The following CAMKMT variants were observed in gnomAD, a reference collection of about 807,000 sequenced individuals.
The protein encoded by CAMKMT is CaM KMT.
A neutral mutation model predicts 48.0 loss-of-function variants in CAMKMT; 53 were observed. The ratio of observed to expected loss-of-function variants is 1.10; its 90% confidence interval spans 0.89 to 1.39. The LOEUF (loss-of-function observed/expected upper bound fraction) is 1.39, where lower values mean the gene tolerates loss of function less well. CAMKMT is among the 40% of genes most tolerant of loss of function. CAMKMT has a pLI of 0.00. For synonymous variants in CAMKMT, 165 were observed against 152.3 expected, an observed-to-expected ratio of 1.08 and a Z score of -0.61; for missense variants, 428 against 402.7, an observed-to-expected ratio of 1.06 and a Z score of -0.54.
At position 44,556,720 on chromosome 2, in the gene CAMKMT, C is replaced by T. The variant is rs1287675491; in HGVS notation, c.377-147563C>T. On this transcript the variant is annotated intron_variant, in intron 3 of 10. Coordinates refer to ENST00000378494, the MANE Select transcript of CAMKMT (RefSeq NM_024766.5). ...TCCTGACCTCATGATCCACCCGCCT[C>T]GGCCTCCCAAAGTGCTGGGATTACA... Among the ~76,000 whole-genome samples the T allele has an allele frequency of 3.0e-5, 2 of 67,546 alleles. 1 individual carries two copies. Among genetic ancestry groups the T allele is most frequent in the African/African-American group, 1.1e-4 (2 of 17,542 alleles). 44.3% of individuals were successfully genotyped at this position (67,546 alleles called of 152,430 possible). A position where few individuals can be genotyped will look rare whatever the true frequency, so the allele number is the denominator to read the frequency against.
intron 8 of CAMKMT, among the ~76,000 whole-genome samples, chr2:44,748,150 G>A (rs1679994684): frequency 6.6e-6 from 1 of 152,126 alleles, no homozygotes; most frequent in Non-Finnish European, 1.5e-5. Context: ...TATAAATTCT[G>A]CATCAGAGCT....
intron 3 of CAMKMT, among the ~76,000 whole-genome samples, chr2:44,413,980 G>T (rs889760833): frequency 1.3e-5 from 2 of 152,102 alleles, no homozygotes; most frequent in Non-Finnish European, 2.9e-5. Flanking sequence ...TAGCTTTCTA[G>T]ACAGGATATT....
At chr2:44,574,550 T>G (rs1669098344) in intron 3 of CAMKMT, among the ~76,000 whole-genome samples, 1 of 151,670 alleles carries the variant, frequency 6.6e-6, no homozygotes, top group Non-Finnish European at 1.5e-5. Flanking sequence ...TAGCTAGCCC[T>G]GAGAGGGGCA....
rs116255772 is a variant in CAMKMT at position 44,718,166 on chromosome 2, C to T, written c.623+2813C>T. Among the ~76,000 whole-genome samples, 485 of 152,324 alleles carry T rather than the reference C, an allele frequency of 3.2e-3. 1 individual carries two copies. Among genetic ancestry groups the T allele is most frequent in the Middle Eastern group, 0.014 (4 of 294 alleles). On this transcript the variant is annotated intron_variant, in intron 7 of 10. Transcript: ENST00000378494. ...TGACGCTGAACCTTCATTAGCTTCA[C>T]AGTCAATCCACCTCTGCTGTCATAA...
At chr2:44,393,729 T>C (rs1413269937) in intron 3 of CAMKMT, among the ~76,000 whole-genome samples, 1 of 152,196 alleles carries the variant, frequency 6.6e-6, no homozygotes, top group Non-Finnish European at 1.5e-5. Context: ...TCTCCTTTGA[T>C]ATGTCGCTCA....
intron 2 of CAMKMT, 144 bp downstream of exon 2, chr2:44,373,032 A>G: frequency 1.3e-6 from 1 of 742,818 alleles, no homozygotes; most frequent in South Asian, 2.0e-5. Flanking sequence ...TTGTTTTAGG[A>G]AATCCTGCTA....
At chr2:44,601,484 AT>A in intron 3 of CAMKMT, among the ~76,000 whole-genome samples, 1 of 151,980 alleles carries the variant, frequency 6.6e-6, no homozygotes, top group East Asian at 1.9e-4. Context: ...TAATAAATAA[AT>A]AATAAATAAC....
At chr2:44,545,551 T>G (rs1667349588) in intron 3 of CAMKMT, among the ~76,000 whole-genome samples, 1 of 152,156 alleles carries the variant, frequency 6.6e-6, no homozygotes, top group Admixed American at 6.6e-5. Context: ...TGTTTTGTTT[T>G]GTTTTTGTTT....
At chr2:44,389,698 G>A (rs923040404) in intron 2 of CAMKMT, among the ~76,000 whole-genome samples, 1 of 152,120 alleles carries the variant, frequency 6.6e-6, no homozygotes, top group African/African-American at 2.4e-5. Context: ...GTTAACTGAA[G>A]CGGGATTAGA....
chr2:44,469,365 T>G (rs184728564), intron 3 of CAMKMT, among the ~76,000 whole-genome samples: 1 of 152,130 alleles, frequency 6.6e-6, no homozygotes, highest in East Asian at 1.9e-4. Context: ...TTTTTTGTTA[T>G]AAATAATTTG....
At chr2:44,478,268 T>C (rs960519325) in intron 3 of CAMKMT, among the ~76,000 whole-genome samples, 5 of 152,224 alleles carry the variant, frequency 3.3e-5, no homozygotes, top group African/African-American at 1.2e-4. Context: ...TTGGGTATTA[T>C]TTTGTTTCTT....
chr2:44,502,621 C>G (rs1572662442), intron 3 of CAMKMT, among the ~76,000 whole-genome samples: 1 of 152,080 alleles, frequency 6.6e-6, no homozygotes, highest in Non-Finnish European at 1.5e-5. Context: ...TCAAGACATA[C>G]CACCTTGATT....
chr2:44,662,195 T>C (rs1422654081), intron 3 of CAMKMT, among the ~76,000 whole-genome samples: 1 of 152,170 alleles, frequency 6.6e-6, no homozygotes, highest in Middle Eastern at 3.2e-3. Context: ...GCTCTGTTCT[T>C]TATATGAAAA....
At chr2:44,563,073 A>G (rs1443479523) in intron 3 of CAMKMT, among the ~76,000 whole-genome samples, 1 of 152,206 alleles carries the variant, frequency 6.6e-6, no homozygotes, top group Non-Finnish European at 1.5e-5. Context: ...TTCCTATTTT[A>G]TGGAAGAGAA....
At chr2:44,397,221 A>C (rs17426690) in intron 3 of CAMKMT, among the ~76,000 whole-genome samples, 8,484 of 152,268 alleles carry the variant, frequency 0.056, 305 homozygotes, top group South Asian at 0.13. Flanking sequence ...TTAGGTTGGG[A>C]AAGTACAAAG....
chr2:44,551,697 G>C (rs539686962), intron 3 of CAMKMT, among the ~76,000 whole-genome samples: 1 of 152,162 alleles, frequency 6.6e-6, no homozygotes, highest in Non-Finnish European at 1.5e-5. Context: ...CACTGTAGAT[G>C]AATTTGCTCT....
At chr2:44,390,381 A>G in intron 3 of CAMKMT, 76 bp downstream of exon 3, 1 of 1,064,748 alleles carries the variant, frequency 9.4e-7, no homozygotes, top group Middle Eastern at 2.4e-4. Context: ...TTTTCTTCTC[A>G]CTAATATTTA....
chr2:44,603,143 C>T (rs1671095490), intron 3 of CAMKMT, among the ~76,000 whole-genome samples: 3 of 152,140 alleles, frequency 2.0e-5, no homozygotes, highest in Non-Finnish European at 4.4e-5. Context: ...GGCTGGAGTG[C>T]AGCAGCATGA....
intron 7 of CAMKMT, among the ~76,000 whole-genome samples, chr2:44,737,859 C>CTT (rs751961309): frequency 7.3e-6 from 1 of 136,616 alleles, no homozygotes; most frequent in Non-Finnish European, 1.6e-5. Context: ...TCTTTTTTTT[C>CTT]TTTTTTTTTT....
Sources: gnomAD v4.1 joint callset for allele counts (sites outside exome capture counted in the v4.1 genomes callset) on GRCh38, gnomAD v4.1.1 for gene constraint, MANE v1.5 for transcripts, NCBI Gene and HGNC (gene_info 2026-07-23, HGNC 2026-07-21) for gene names.